Variants in FAAP20 observed in about 807,000 individuals in gnomAD.
The protein encoded by FAAP20 is FA core complex associated protein 20.
In FAAP20, 12 loss-of-function variants were observed where a neutral mutation model predicts 16.2. The observed-to-expected ratio is 0.74, with a 90% CI of 0.48 to 1.20. The LOEUF (loss-of-function observed/expected upper bound fraction) is 1.20. FAAP20 is among the 50% of genes most tolerant of loss of function. The pLI, the probability that FAAP20 is intolerant of heterozygous loss-of-function variation, is 0.00. For synonymous variants in FAAP20, 141 were observed against 110.7 expected (o/e 1.27, Z -1.72); for missense variants, 288 against 245.8 (o/e 1.17, Z -1.15).
rs764940508 is a variant in FAAP20, at chr1:2,193,744, G to C, written c.365C>G (p.Pro122Arg). 3.8e-6 allele frequency: 6 copies of C among 1,591,120 alleles called. No homozygotes were observed. The highest frequency in any genetic ancestry group is 5.1e-6 in the Non-Finnish European group (6 of 1,172,644). Residue 122 changes from proline (P) to arginine (R), a missense_variant, in exon 3 of 4, where the codon CCG becomes CGG. By Grantham distance (103) the Pro-to-Arg change is moderately radical. Coordinates refer to ENST00000378546, the MANE Select transcript of FAAP20 (RefSeq NM_182533.4). ...GGGGGCCCTGCAGGGATCAGGTGCC[G>C]GGCGCTGGGGCAGGGACCTGGCGGG... ...ESPARSLPQRPAPDPCRAPRV... is the reference protein window; with the variant it reads ...ESPARSLPQRRAPDPCRAPRV...
rs1687986386 is a variant in FAAP20, at chr1:2,189,915, C to T, written c.471-134G>A. 1.2e-5 allele frequency: 9 copies of T among 732,398 alleles called. No homozygotes were observed. The East Asian group carries it at 2.1e-4, about 17-fold the overall frequency. 45.4% of individuals were successfully genotyped at this position (732,398 alleles called of 1,614,324 possible). A position where few individuals can be genotyped will look rare whatever the true frequency, so the allele number is the denominator to read the frequency against. Reference sequence around the variant, plus strand: ...GGCTGGTCAGAAACAAGGGACGGGGCCACCCCAGGGGCTCATGCACCCGGC... The same window carrying T: ...GGCTGGTCAGAAACAAGGGACGGGGTCACCCCAGGGGCTCATGCACCCGGC... On this transcript the variant is annotated intron_variant, in intron 3 of 3. Coordinates refer to ENST00000378546, the MANE Select transcript of FAAP20 (RefSeq NM_182533.4).
At chr1:2,200,655 C>G, upstream of FAAP20, 1 of 986,866 alleles carries the variant, frequency 1.0e-6, no homozygotes, top group Non-Finnish European at 1.2e-6. Context: ...CACAGCAGCC[C>G]CAGGAGACAC....
chr1:2,194,383 G>A (rs2100696818), intron 1 of FAAP20, among the ~76,000 whole-genome samples: 1 of 142,424 alleles, frequency 7.0e-6, no homozygotes, highest in Admixed American at 6.9e-5. Context: ...GGGATGAGGC[G>A]ATGGTTGGGG....
chr1:2,193,786 C>T lies in FAAP20; in HGVS notation c.323G>A (p.Gly108Glu), dbSNP rs1311157611. 2 of 1,603,240 alleles carry T rather than the reference C, an allele frequency of 1.2e-6. No homozygotes were observed. Among genetic ancestry groups the T allele is most frequent in the East Asian group, 4.5e-5 (2 of 44,836 alleles). ...CCTGGCGGGGGATTCCAGGTGCCCT[C>T]CTGCCCCGTGAAGCAGCCGGTAGGA... ...GRSYRLLHGA[G>E]GHLESPARSL... The change falls in exon 3 of 4, where the codon GGA (glycine) becomes GAA (glutamate). Residue 108 changes from glycine to glutamate, a missense_variant. Transcript: ENST00000378546.
downstream of FAAP20, among the ~76,000 whole-genome samples, chr1:2,188,869 G>T (rs1036005108): frequency 6.6e-6 from 1 of 152,280 alleles, no homozygotes; most frequent in Non-Finnish European, 1.5e-5. Flanking sequence ...GCCGGGCGTG[G>T]TGGCGGGCGC....
chr1:2,208,349 TC>T (rs1161640428), downstream of FAAP20, among the ~76,000 whole-genome samples: 2 of 152,138 alleles, frequency 1.3e-5, no homozygotes, highest in Non-Finnish European at 2.9e-5. Context: ...CTTTACCCTG[TC>T]TCCCTCCCTT....
At chr1:2,193,004 T>C (rs1213423778) in intron 3 of FAAP20, 1 of 1,303,742 alleles carries the variant, frequency 7.7e-7, no homozygotes, top group South Asian at 1.2e-5. Context: ...CAGGCATGAC[T>C]GAAGGACCTG....
rs753193338 is a variant in FAAP20, at chr1:2,190,407, C to T, written c.471-626G>A. 4.2e-5 allele frequency: 19 copies of T among 448,318 alleles called. No individual in the cohort carries two copies. In the Middle Eastern group the frequency reaches 9.8e-4, roughly 23 times the overall value. The allele number at this position is 448,318 out of a possible 1,614,324, so 27.8% of individuals were successfully genotyped here. A position where few individuals can be genotyped will look rare whatever the true frequency, so the allele number is the denominator to read the frequency against. ...CAGGCAGGGGTGGCAGGAGAAAACC[C>T]ATCCGAGTCCTGCAGGTCAGCGCCC... On this transcript the variant is annotated intron_variant, in intron 3 of 3. Transcript: ENST00000378546.
chr1:2,190,279 G>A, intron 3 of FAAP20: 2 of 456,716 alleles, frequency 4.4e-6, no homozygotes, highest in Non-Finnish European at 8.8e-6. Context: ...CCACGGAGAA[G>A]GACGCCGTCA....
At position 2,194,025 on chromosome 1, in the gene FAAP20, C is replaced by T. The variant is rs766877762; in HGVS notation, c.171G>A (p.Val57=). 1 of 1,612,730 alleles carries T rather than the reference C, an allele frequency of 6.2e-7. No homozygotes were observed. The highest frequency in any genetic ancestry group is 1.7e-5 in the Admixed American group (1 of 60,012). ...VSPELILDHE[V]PSLPAFPGQE... ...GTCCTGGGAAGGCGGGCAGTGAAGG[C>T]ACCTCGTGATCCAGGATCAGCTCCG... is the stretch of plus-strand genomic sequence containing the variant. Residue 57 remains valine (V), a synonymous_variant, in exon 2 of 4, where the codon GTG becomes GTA. Coordinates refer to ENST00000378546, the MANE Select transcript of FAAP20 (RefSeq NM_182533.4).
Position 2,189,697 on chromosome 1 carries a change from C to T in FAAP20, c.*12G>A. 6.2e-7 allele frequency: 1 copy of T among 1,606,984 alleles called. No homozygotes were observed. The highest frequency in any genetic ancestry group is 8.5e-7 in the Non-Finnish European group (1 of 1,175,990). ...CGGGCGCCGCACTCTGCGCAGGGCT[C>T]TTGGATGGCGCTCACCACGTCACGT... On this transcript the variant is annotated 3_prime_UTR_variant, in exon 4 of 4. Transcript: ENST00000378546.
At chr1:2,187,512 C>G (rs1687734439), downstream of FAAP20, among the ~76,000 whole-genome samples, 1 of 152,018 alleles carries the variant, frequency 6.6e-6, no homozygotes, top group African/African-American at 2.4e-5. Flanking sequence ...CCATGTTTGC[C>G]AGGCTGGTCT....
In FAAP20 at chr1:2,192,702, T is replaced by C. The variant is rs1459558250; in HGVS notation, c.470+937A>G. 4 of 1,184,460 alleles carry C rather than the reference T, an allele frequency of 3.4e-6. No homozygotes were observed. In the East Asian group the frequency reaches 1.7e-4, roughly 51 times the overall value. 73.4% of individuals were successfully genotyped at this position (1,184,460 alleles called of 1,614,324 possible). A position where few individuals can be genotyped will look rare whatever the true frequency, so the allele number is the denominator to read the frequency against. On this transcript the variant is annotated intron_variant, in intron 3 of 3. Coordinates refer to ENST00000378546, the MANE Select transcript of FAAP20 (RefSeq NM_182533.4). ...AATCATACTTCACTACAGCCTCCAA[T>C]TCCTGGCTCAAGGGAATCCTCCCAC... is the stretch of plus-strand genomic sequence containing the variant.
chr1:2,186,099 C>T (rs986881100), downstream of FAAP20: 3 of 453,964 alleles, frequency 6.6e-6, no homozygotes, highest in African/African-American at 6.0e-5. Flanking sequence ...GTCTTCTGAG[C>T]TCCCTGGGAG....
chr1:2,198,299 G>A (rs1023416573), upstream of FAAP20: 2 of 671,734 alleles, frequency 3.0e-6, no homozygotes, highest in East Asian at 6.8e-5. Flanking sequence ...GGGCATCAGA[G>A]CCACCCATCT....
At chr1:2,187,166 G>C (rs1243623022), downstream of FAAP20, 2 of 471,496 alleles carry the variant, frequency 4.2e-6, no homozygotes, top group Non-Finnish European at 8.8e-6. Context: ...ACTCACCCTT[G>C]ACTGCCAGGG....
At chr1:2,205,879 CG>C (rs1689240531) in intron 3 of FAAP20, among the ~76,000 whole-genome samples, 1 of 152,278 alleles carries the variant, frequency 6.6e-6, no homozygotes, top group Non-Finnish European at 1.5e-5. Context: ...GCCCCCTACC[CG>C]GGCCCCGGCC....
Position 2,193,861 on chromosome 1 carries a change from T to C in FAAP20, c.248A>G (p.Lys83Arg). 1.9e-6 allele frequency: 3 copies of C among 1,612,384 alleles called. No individual in the cohort carries two copies. Among genetic ancestry groups the C allele is most frequent in the Non-Finnish European group, 2.5e-6 (3 of 1,179,814 alleles). ...EPTEVFTVGP[K>R]TFSWTPFPPD... ...CGGAAAGGGTGTCCAGGAAAAGGTCTTGGGTCCGACAGTGAAGACTTCAGT... is the reference window on the plus strand; with the variant it reads ...CGGAAAGGGTGTCCAGGAAAAGGTCCTGGGTCCGACAGTGAAGACTTCAGT... The change falls in exon 3 of 4, where the codon AAG (lysine) becomes AGG (arginine). Residue 83 changes from lysine (K) to arginine (R), a missense_variant. Coordinates refer to ENST00000378546, the MANE Select transcript of FAAP20 (RefSeq NM_182533.4).
upstream of FAAP20, chr1:2,198,203 C>T: frequency 8.0e-7 from 1 of 1,249,050 alleles, no homozygotes; most frequent in Non-Finnish European, 1.0e-6. Context: ...TGAGTTTTTT[C>T]TAAGCCAAAA....
Sources: allele counts gnomAD v4.1 joint callset (sites outside exome capture counted in the v4.1 genomes callset), GRCh38; gene constraint gnomAD v4.1.1; transcripts MANE v1.5; gene names NCBI Gene and HGNC (gene_info 2026-07-23, HGNC 2026-07-21).